The following ARHGAP4 variants were observed in gnomAD, a reference collection of about 807,000 sequenced individuals.
ARHGAP4 encodes the protein rho GTPase-activating protein 4.
Under a neutral mutation model 67.6 loss-of-function variants are expected in ARHGAP4, and 25 were observed. The ratio of observed to expected loss-of-function variants is 0.37; its 90% confidence interval spans 0.27 to 0.52. The LOEUF is 0.52. Ranked by LOEUF, ARHGAP4 falls within the 20% of genes least tolerant of loss-of-function variation. The pLI is 0.92. For missense variants in ARHGAP4, 804 were observed against 854.6 expected (o/e 0.94, Z 0.74); for synonymous variants, 448 against 373.7 (o/e 1.20, Z -2.29).
chrX:153,912,481 C>T (rs1208680872), intron 12 of ARHGAP4, among the ~76,000 whole-genome samples: 3 of 112,233 alleles, frequency 2.7e-5, no homozygotes, highest in Non-Finnish European at 5.6e-5. Flanking sequence ...GTTTTCTATA[C>T]GTTCCCATTA....
Position 153,913,541 on chromosome X carries a change from G to A in ARHGAP4, c.1194C>T (p.Asp398=), listed in dbSNP as rs1448480804. 1.2e-5 allele frequency: 15 copies of A among 1,210,337 alleles called. No individual in the cohort carries two copies. The African/African-American group carries it at 1.7e-4, about 14-fold the overall frequency. ...TCTGGAAGGAATCAAGCACATCCCC[G>A]TCATCCGAGGCCACCACCTCCAGCA... ...QALLEVVASD[D]GDVLDSFQTS... Residue 398 remains aspartate, a synonymous_variant, in exon 9 of 22, where the codon GAC becomes GAT. Coordinates refer to ENST00000350060, the MANE Select transcript of ARHGAP4 (RefSeq NM_001666.5).
intron 5 of ARHGAP4, chrX:153,920,275 A>C: frequency 4.3e-6 from 1 of 232,148 alleles, no homozygotes; most frequent in Non-Finnish European, 7.7e-6. Context: ...CACTCTCTGT[A>C]CTGGGCTCAC....
rs1422903757 is a variant in ARHGAP4 at position 153,908,811 on chromosome X, C to T, written c.2607+259G>A. Among the ~76,000 whole-genome samples the T allele has an allele frequency of 1.9e-4, 21 of 112,384 alleles. No homozygotes were observed. In the Admixed American group the frequency reaches 2.0e-3, roughly 11 times the overall value. ...CTCTGAAGCTGAACATGAATCCCAA[C>T]GTGCAAGCCAGGTGTCTTCTGTCCC... On this transcript the variant is annotated intron_variant, in intron 21 of 21. Transcript: ENST00000350060.
At position 153,907,880 on chromosome X, in the gene ARHGAP4, G is replaced by A; in HGVS notation, c.2690C>T (p.Thr897Ile). Residue 897 changes from threonine (T) to isoleucine (I), a missense_variant, in exon 22 of 22, where the codon ACC (threonine) becomes ATC (isoleucine). Physicochemically the swap from Thr to Ile is moderately conservative, Grantham distance 89. This residue lies in a region of ARHGAP4 where 400 missense variants were observed against 348.7 expected (regional missense o/e 1.15). Transcript: ENST00000350060. Reference sequence around the variant, plus strand: ...TCGGGGCCCAGGACTGGGAGAGGTGGTAGATGCTGGCCCAAGGCCCTGGCG... The same window carrying A: ...TCGGGGCCCAGGACTGGGAGAGGTGATAGATGCTGGCCCAAGGCCCTGGCG... ...SVRQGLGPAS[T>I]TSPSPGPRSP... 1 of 1,051,151 alleles carries A rather than the reference G, an allele frequency of 9.5e-7. No homozygotes were observed. The highest frequency in any genetic ancestry group is 1.2e-6 in the Non-Finnish European group (1 of 811,824). 86.6% of individuals were successfully genotyped at this position (1,051,151 alleles called of 1,213,427 possible). A position where few individuals can be genotyped will look rare whatever the true frequency, so the allele number is the denominator to read the frequency against.
chrX:153,909,327 C>CTGTCACGTCCTCATCTGCCA (rs1487963486), intron 20 of ARHGAP4, 116 bp downstream of exon 20: 17 of 885,828 alleles, frequency 1.9e-5, no homozygotes, highest in Admixed American at 7.1e-5. Flanking sequence ...CTGGGTCATT[C>CTGTCACGTCCTCATCTGCCA]TGTCACGTCC....
chrX:153,925,931 A>G (rs926982267), intron 1 of ARHGAP4, among the ~76,000 whole-genome samples: 6 of 112,942 alleles, frequency 5.3e-5, no homozygotes, highest in Non-Finnish European at 9.4e-5. Flanking sequence ...GGAAGACAGG[A>G]AAGAAGGAAG....
At chrX:153,909,636 T>C in intron 19 of ARHGAP4, 101 bp from the exon 20 acceptor site, 1 of 1,085,922 alleles carries the variant, frequency 9.2e-7, no homozygotes, top group Non-Finnish European at 1.2e-6. Context: ...GAGGCTCTGT[T>C]CTCTGGCCCA....
chrX:153,921,034 C>A, intron 4 of ARHGAP4, 63 bp downstream of exon 4: 1 of 1,144,279 alleles, frequency 8.7e-7, no homozygotes, highest in African/African-American at 1.8e-5. Context: ...TGTTCCTCCC[C>A]CACTGTGAGT....
chrX:153,913,139 C>T (rs1436519875), intron 10 of ARHGAP4, 79 bp downstream of exon 10: 3 of 1,160,200 alleles, frequency 2.6e-6, no homozygotes, highest in African/African-American at 3.6e-5. Context: ...GAGCCAAGGA[C>T]AGGCGGGAGG....
chrX:153,910,626 GC>G lies in ARHGAP4; in HGVS notation c.1817-16del. 8.4e-7 allele frequency: 1 copy of G among 1,197,551 alleles called. No individual in the cohort carries two copies. The highest frequency in any genetic ancestry group is 1.7e-5 in the African/African-American group (1 of 57,802). On this transcript the variant is annotated splice_polypyrimidine_tract_variant and intron_variant, in intron 15 of 21. Transcript: ENST00000350060. ...GGCCTCCAGCTCTGTGGCCAAAGCCGCCCAGAGAGAGCCGCGTGAGCGGGGC... is the reference window on the plus strand; with the variant it reads ...GGCCTCCAGCTCTGTGGCCAAAGCCGCCAGAGAGAGCCGCGTGAGCGGGGC...
At position 153,907,895 on chromosome X, in the gene ARHGAP4, A is replaced by G. The variant is rs896265368; in HGVS notation, c.2675T>C (p.Leu892Pro). 9.4e-7 allele frequency: 1 copy of G among 1,059,387 alleles called. No individual in the cohort carries two copies. Among genetic ancestry groups the G allele is most frequent in the Admixed American group, 3.5e-5 (1 of 28,269 alleles). The allele number at this position is 1,059,387 out of a possible 1,213,427, so 87.3% of individuals were successfully genotyped here. A position where few individuals can be genotyped will look rare whatever the true frequency, so the allele number is the denominator to read the frequency against. Reference sequence around the variant, plus strand: ...GGGAGAGGTGGTAGATGCTGGCCCAAGGCCCTGGCGGACAGAGGTCTTTCC... The same window carrying G: ...GGGAGAGGTGGTAGATGCTGGCCCAGGGCCCTGGCGGACAGAGGTCTTTCC... ...LLGKTSVRQG[L>P]GPASTTSPSP... Residue 892 changes from leucine (L) to proline (P), a missense_variant, in exon 22 of 22, where the codon CTT becomes CCT. Coordinates refer to ENST00000350060, the MANE Select transcript of ARHGAP4 (RefSeq NM_001666.5).
Position 153,913,852 on chromosome X carries a change from G to A in ARHGAP4, c.1060C>T (p.Leu354=), listed in dbSNP as rs1557103868. The part of the protein sequence containing the change: ...EVAEICVEME[L]RDEILPRAQN... ...GCTCTGGGCAGAATCTCGTCCCGCA[G>A]CTCCATTTCAACGCAGATCTCAGCC... is the stretch of plus-strand genomic sequence containing the variant. Residue 354 remains leucine, a synonymous_variant, in exon 8 of 22, where the codon CTG becomes TTG. Transcript: ENST00000350060. 1 of 1,210,994 alleles carries A rather than the reference G, an allele frequency of 8.3e-7. No individual in the cohort carries two copies. The highest frequency in any genetic ancestry group is 1.7e-5 in the African/African-American group (1 of 57,518).
chrX:153,919,550 G>A lies in ARHGAP4; in HGVS notation c.682-267C>T, dbSNP rs782746216. 9.6e-6 allele frequency: 11 copies of A among 1,149,151 alleles called. No homozygotes were observed. The African/African-American group carries it at 2.0e-4, about 21-fold the overall frequency. 94.7% of individuals were successfully genotyped at this position (1,149,151 alleles called of 1,213,427 possible). On this transcript the variant is annotated intron_variant, in intron 5 of 21. Transcript: ENST00000350060. ...CCCCACAGAAGTGGGGGATGACACA[G>A]AACTATTCACAGATACCTGATGAGT...
At chrX:153,909,254 G>A in intron 20 of ARHGAP4, 85 bp from the exon 21 acceptor site, 1 of 961,580 alleles carries the variant, frequency 1.0e-6, no homozygotes, top group Non-Finnish European at 1.4e-6. Context: ...CTGGGGTGTG[G>A]CCAAGGAAAG....
intron 15 of ARHGAP4, 26 bp from the exon 16 acceptor site, chrX:153,910,637 G>C: frequency 8.4e-7 from 1 of 1,191,067 alleles, no homozygotes; most frequent in Non-Finnish European, 1.1e-6. Flanking sequence ...CCCAGAGAGA[G>C]CCGCGTGAGC....
Position 153,910,857 on chromosome X carries a change from G to A in ARHGAP4, c.1682-23C>T, listed in dbSNP as rs782360212. Reference sequence around the variant, plus strand: ...CCCCTGCAGATGGGCGAGTGGTGCGGTAGGGGGAGGAAGCTGGTGACATCT... The same window carrying A: ...CCCCTGCAGATGGGCGAGTGGTGCGATAGGGGGAGGAAGCTGGTGACATCT... On this transcript the variant is annotated intron_variant, in intron 14 of 21. Transcript: ENST00000350060. 26 of 1,185,900 alleles carry A rather than the reference G, an allele frequency of 2.2e-5. No homozygotes were observed. The African/African-American group carries it at 4.1e-4, about 19-fold the overall frequency.
At chrX:153,925,137 G>A (rs2065118869) in intron 1 of ARHGAP4, among the ~76,000 whole-genome samples, 1 of 112,221 alleles carries the variant, frequency 8.9e-6, no homozygotes, top group African/African-American at 3.2e-5. Context: ...AGATGATGGC[G>A]AGGCTTGGAA....
Position 153,909,914 on chromosome X carries a change from C to A in ARHGAP4, c.2241G>T (p.Gly747=), listed in dbSNP as rs782108766. 1.7e-6 allele frequency: 2 copies of A among 1,205,218 alleles called. No individual in the cohort carries two copies. Among genetic ancestry groups the A allele is most frequent in the Admixed American group, 4.4e-5 (2 of 45,599 alleles). ...EMPAQEDDLE[G]VVEAVACFAY... Reference sequence around the variant, plus strand: ...CAAAGCAGGCCACAGCCTCCACGACCCCCTCCAGGTCTGGGGAGGAGAGGG... The same window carrying A: ...CAAAGCAGGCCACAGCCTCCACGACACCCTCCAGGTCTGGGGAGGAGAGGG... Residue 747 remains glycine, a synonymous_variant, in exon 19 of 22, where the codon GGG becomes GGT. Transcript: ENST00000350060.
Position 153,910,635 on chromosome X carries a change from G to A in ARHGAP4, c.1817-24C>T, listed in dbSNP as rs1335157414. The A allele has an allele frequency of 4.2e-6, 5 of 1,189,368 alleles. No individual in the cohort carries two copies. In the Admixed American group the frequency reaches 1.1e-4, roughly 27 times the overall value. ...CTCTGTGGCCAAAGCCGCCCAGAGA[G>A]AGCCGCGTGAGCGGGGCTGCCCCAG... On this transcript the variant is annotated intron_variant, in intron 15 of 21. Coordinates refer to ENST00000350060, the MANE Select transcript of ARHGAP4 (RefSeq NM_001666.5).
Sources: gnomAD v4.1 joint callset for allele counts (sites outside exome capture counted in the v4.1 genomes callset) on GRCh38, gnomAD v4.1.1 for gene constraint, gnomAD v4.1.1 regional missense constraint, MANE v1.5 for transcripts, NCBI Gene and HGNC (gene_info 2026-07-23, HGNC 2026-07-21) for gene names.